CDK14: variants seen among roughly 807,000 people sequenced by gnomAD.
CDK14 encodes cyclin-dependent kinase 14.
CDK14 carries 34 observed loss-of-function variants against 60.7 expected under a neutral mutation model. The ratio of observed to expected loss-of-function variants is 0.56; its 90% CI spans 0.43 to 0.75. The LOEUF (loss-of-function observed/expected upper bound fraction) is 0.75, where lower values mean the gene tolerates loss of function less well. CDK14 is among the 30% of genes least tolerant of loss of function. The pLI is 0.00. For missense variants in CDK14, 482 were observed against 564.1 expected (o/e 0.85, Z 1.47); for synonymous variants, 197 against 203.7 (o/e 0.97, Z 0.28).
At chr7:90,765,960 C>T (rs1219066123) in intron 4 of CDK14, among the ~76,000 whole-genome samples, 1 of 152,142 alleles carries the variant, frequency 6.6e-6, no homozygotes, top group African/African-American at 2.4e-5. Context: ...TGTAATTGGT[C>T]TTCCTGTTTC....
intron 5 of CDK14, among the ~76,000 whole-genome samples, chr7:90,802,621 G>C (rs1351031399): frequency 6.6e-6 from 1 of 152,142 alleles, no homozygotes; most frequent in Admixed American, 6.6e-5. Flanking sequence ...TTTTGAGCAA[G>C]TCTTAAACTT....
chr7:91,095,990 A>T (rs1465755930), intron 12 of CDK14, among the ~76,000 whole-genome samples: 1 of 142,820 alleles, frequency 7.0e-6, no homozygotes, highest in Admixed American at 7.5e-5. Context: ...AATGTAATTA[A>T]TGCCACTGAA....
intron 11 of CDK14, among the ~76,000 whole-genome samples, chr7:91,048,175 A>T (rs1342455612): frequency 6.6e-6 from 1 of 152,006 alleles, no homozygotes; most frequent in Non-Finnish European, 1.5e-5. Context: ...TGAACCACTG[A>T]CCCCACCACA....
intron 9 of CDK14, among the ~76,000 whole-genome samples, chr7:90,960,566 T>C (rs745951795): frequency 6.6e-6 from 1 of 152,124 alleles, no homozygotes; most frequent in Non-Finnish European, 1.5e-5. Flanking sequence ...ACTCTTGATA[T>C]ATAGAAAAAT....
At chr7:91,072,705 A>G (rs1032318584) in intron 11 of CDK14, among the ~76,000 whole-genome samples, 4 of 152,136 alleles carry the variant, frequency 2.6e-5, no homozygotes, top group Non-Finnish European at 4.4e-5. Context: ...GAAGGTGGGT[A>G]GTAATAAACT....
At chr7:90,845,030 T>C (rs1370650659) in intron 5 of CDK14, among the ~76,000 whole-genome samples, 1 of 152,180 alleles carries the variant, frequency 6.6e-6, no homozygotes, top group African/African-American at 2.4e-5. Context: ...TGCCACACTC[T>C]AACAAAATAC....
intron 2 of CDK14, among the ~76,000 whole-genome samples, chr7:90,636,670 C>A (rs1211352698): frequency 1.3e-5 from 2 of 151,952 alleles, no homozygotes; most frequent in Non-Finnish European, 2.9e-5. Context: ...GGGAGGATTC[C>A]CTCTTTTTCT....
chr7:90,983,364 C>T (rs1033781657), intron 9 of CDK14, among the ~76,000 whole-genome samples: 4 of 152,120 alleles, frequency 2.6e-5, no homozygotes, highest in Non-Finnish European at 4.4e-5. Context: ...CCATGGAATA[C>T]TATGCAGCCA....
chr7:90,719,011 T>C (rs1802348665), intron 2 of CDK14, among the ~76,000 whole-genome samples: 1 of 152,172 alleles, frequency 6.6e-6, no homozygotes, highest in South Asian at 2.1e-4. Context: ...ACGATTTAAG[T>C]GCTCAAAAAC....
At chr7:90,973,114 C>T (rs1794974931) in intron 9 of CDK14, among the ~76,000 whole-genome samples, 1 of 152,170 alleles carries the variant, frequency 6.6e-6, no homozygotes, top group Non-Finnish European at 1.5e-5. Context: ...TGCTTGCCTC[C>T]TGTCAGAATC....
rs75100185 is a variant in CDK14, at chr7:90,918,538, A to G, written c.826+814A>G. ...CATTGCCCAGGCTCTCTGTCACATT[A>G]GAGATTGTGTTGAGTTGATTCTGAG... On this transcript the variant is annotated intron_variant, in intron 8 of 14. Transcript: ENST00000380050. 2.7e-3 allele frequency among the ~76,000 whole-genome samples: 406 copies of G among 152,318 alleles called. 5 individuals are homozygous for G. The highest frequency in any genetic ancestry group is 9.2e-3 in the African/African-American group (384 of 41,574).
intron 14 of CDK14, among the ~76,000 whole-genome samples, chr7:91,139,686 G>A (rs1175278191): frequency 6.6e-6 from 1 of 152,214 alleles, no homozygotes; most frequent in East Asian, 1.9e-4. Context: ...GCTAAGTACA[G>A]TAGCCTCCAG....
At chr7:90,633,631 G>A (rs909356941) in intron 2 of CDK14, among the ~76,000 whole-genome samples, 1 of 152,124 alleles carries the variant, frequency 6.6e-6, no homozygotes. Context: ...TGTTCCTTGA[G>A]CGAATAAAAT....
chr7:91,046,152 C>T (rs1466749749), intron 11 of CDK14, among the ~76,000 whole-genome samples, 192 bp downstream of exon 11: 1 of 152,118 alleles, frequency 6.6e-6, no homozygotes, highest in Non-Finnish European at 1.5e-5. Flanking sequence ...TTAAAGACAT[C>T]CCTGATGATT....
intron 11 of CDK14, among the ~76,000 whole-genome samples, chr7:91,076,288 G>A (rs1264311359): frequency 8.9e-6 from 1 of 112,166 alleles, no homozygotes; most frequent in Non-Finnish European, 1.9e-5. Flanking sequence ...CATGGTACTG[G>A]TACCAAAACA....
intron 11 of CDK14, among the ~76,000 whole-genome samples, chr7:91,072,680 A>T (rs1483747182): frequency 1.3e-5 from 2 of 152,110 alleles, no homozygotes; most frequent in African/African-American, 4.8e-5. Flanking sequence ...GATGAGATGG[A>T]TGAAGTAGGC....
intron 11 of CDK14, among the ~76,000 whole-genome samples, chr7:91,078,179 C>T (rs1187484686): frequency 1.3e-5 from 2 of 152,072 alleles, no homozygotes; most frequent in Non-Finnish European, 1.5e-5. Flanking sequence ...GGTAGAGAGA[C>T]ATGTACAAGG....
chr7:90,804,852 A>T (rs956438593), intron 5 of CDK14, among the ~76,000 whole-genome samples: 1 of 152,172 alleles, frequency 6.6e-6, no homozygotes, highest in Non-Finnish European at 1.5e-5. Flanking sequence ...GGAGGATTAC[A>T]TAAACAGTTC....
intron 10 of CDK14, among the ~76,000 whole-genome samples, chr7:90,995,558 AATAG>A (rs778870869): frequency 7.9e-5 from 12 of 152,232 alleles, no homozygotes; most frequent in Non-Finnish European, 1.2e-4. Flanking sequence ...GAGATATACT[AATAG>A]ATAACTAATA....
Sources: allele counts gnomAD v4.1 joint callset (sites outside exome capture counted in the v4.1 genomes callset), GRCh38; gene constraint gnomAD v4.1.1; transcripts MANE v1.5; gene names NCBI Gene and HGNC (gene_info 2026-07-23, HGNC 2026-07-21).